The following ECE1 variants were observed in gnomAD, a reference collection of about 807,000 sequenced individuals.
The protein encoded by ECE1 is endothelin converting enzyme 1, also known as endothelin-converting enzyme 1.
Under a neutral mutation model 98.6 loss-of-function variants are expected in ECE1, and 35 were observed. That is an observed-to-expected ratio of 0.35 (90% CI 0.27 to 0.47). ECE1 has a LOEUF of 0.47. Among genes scored for constraint, ECE1 ranks in the 20% least tolerant of loss-of-function variants. ECE1 has a pLI of 1.00. For synonymous variants in ECE1, 394 were observed against 407.1 expected (o/e 0.97, Z 0.39); for missense variants, 814 against 1,025.3 (o/e 0.79, Z 2.81).
chr1:21,330,432 T>C (rs1462244160), intron 1 of ECE1, among the ~76,000 whole-genome samples: 1 of 151,934 alleles, frequency 6.6e-6, no homozygotes, highest in Non-Finnish European at 1.5e-5. Flanking sequence ...GGTTTTGTCA[T>C]GTTGCCCAGA....
In ECE1 at chr1:21,219,659, C is replaced by A; in HGVS notation, c.*296G>T. 2.1e-6 allele frequency: 1 copy of A among 471,994 alleles called. No homozygotes were observed. Among genetic ancestry groups the A allele is most frequent in the Non-Finnish European group, 3.9e-6 (1 of 257,722 alleles). 29.2% of individuals were successfully genotyped at this position (471,994 alleles called of 1,614,324 possible). On this transcript the variant is annotated 3_prime_UTR_variant, in exon 19 of 19. Transcript: ENST00000374893. This position sits in a 1 kb window ranked among gnomAD's most constrained non-coding sequence, Gnocchi z 4.5. ...GCATTTGACACAGTGGTATTTGTGG[C>A]GTATCTGGCGCTTGTCAGTGTGGGG...
chr1:21,260,296 T>C lies in ECE1; in HGVS notation c.590A>G (p.Lys197Arg), dbSNP rs2103293925. ...NETRIEELRA[K>R]PLMELIERLG... is the part of the protein sequence containing the mutation. The stretch of plus-strand genomic sequence containing the variant: ...CCTCTCAATCAACTCCATTAGAGGT[T>C]TGGCCCTGAGCTCCTCGATCCTGGT... Residue 197 changes from lysine to arginine, a missense_variant, in exon 5 of 19, where the codon AAA (lysine) becomes AGA (arginine). Physicochemically the swap from Lys to Arg is conservative, Grantham distance 26 (BLOSUM62 2). This residue lies in a region of ECE1 where 257 missense variants were observed against 278.9 expected (regional missense o/e 0.92). Transcript: ENST00000374893. This position sits in a 1 kb window ranked among gnomAD's most constrained non-coding sequence, Gnocchi z 4.3. 1 of 1,614,242 alleles carries C rather than the reference T, an allele frequency of 6.2e-7. No individual in the cohort carries two copies. Among genetic ancestry groups the C allele is most frequent in the Non-Finnish European group, 8.5e-7 (1 of 1,180,042 alleles).
At chr1:21,325,000 T>C (rs1461656651) in intron 1 of ECE1, among the ~76,000 whole-genome samples, 1 of 152,112 alleles carries the variant, frequency 6.6e-6, no homozygotes, top group Non-Finnish European at 1.5e-5. Context: ...TCAATGGAGG[T>C]ATCAGAGGTC....
At position 21,260,263 on chromosome 1, in the gene ECE1, G is replaced by A; in HGVS notation, c.615+8C>T. The A allele has an allele frequency of 6.2e-7, 1 of 1,614,234 alleles. No individual in the cohort carries two copies. The highest frequency in any genetic ancestry group is 8.5e-7 in the Non-Finnish European group (1 of 1,180,042). On this transcript the variant is annotated splice_region_variant and intron_variant, in intron 5 of 18. Coordinates refer to ENST00000374893, the MANE Select transcript of ECE1 (RefSeq NM_001397.3). The surrounding 1 kb of genome is among the most constrained non-coding windows in gnomAD (Gnocchi z 4.3). ...GGGGCTTGGGGAGGGAGAGCCCGAG[G>A]CACTCACCCTCTCAATCAACTCCAT...
chr1:21,260,167 G>T lies in ECE1; in HGVS notation c.615+104C>A. On this transcript the variant is annotated intron_variant, in intron 5 of 18. Coordinates refer to ENST00000374893, the MANE Select transcript of ECE1 (RefSeq NM_001397.3). This position sits in a 1 kb window ranked among gnomAD's most constrained non-coding sequence, Gnocchi z 4.3. Reference sequence around the variant, plus strand: ...GTCTTTCTCTTGGTGCTACCGGCTGGACGTATGAGGTGGGCCAGTGGTACC... The same window carrying T: ...GTCTTTCTCTTGGTGCTACCGGCTGTACGTATGAGGTGGGCCAGTGGTACC... 6.6e-7 allele frequency: 1 copy of T among 1,516,708 alleles called. No individual in the cohort carries two copies. Among genetic ancestry groups the T allele is most frequent in the Non-Finnish European group, 9.1e-7 (1 of 1,093,128 alleles). 94.0% of individuals were successfully genotyped at this position (1,516,708 alleles called of 1,614,324 possible).
intron 7 of ECE1, 48 bp from the exon 8 acceptor site, chr1:21,256,186 C>T: frequency 6.4e-7 from 1 of 1,562,248 alleles, no homozygotes; most frequent in Non-Finnish European, 8.7e-7. Context: ...CCCCACTATC[C>T]ACTGGACGAG....
chr1:21,320,164 C>G (rs973560495), intron 1 of ECE1, among the ~76,000 whole-genome samples: 2 of 152,244 alleles, frequency 1.3e-5, no homozygotes, highest in Admixed American at 1.3e-4. Flanking sequence ...AGATTCTCCC[C>G]ATGGATTCTG....
At position 21,317,398 on chromosome 1, in the gene ECE1, AACAG is replaced by A. The variant is rs772133803; in HGVS notation, c.4-27246_4-27243del. ...GCTGTTGGGAGGGTCTCCCAAAATG[AACAG>A]ACAGAGGGGAAGGCCAGCTCGCAGG... is the stretch of plus-strand genomic sequence containing the variant. On this transcript the variant is annotated intron_variant, in intron 1 of 18. Coordinates refer to the ECE1 transcript ENST00000415912. Among the ~76,000 whole-genome samples the A allele has an allele frequency of 2.0e-5, 3 of 152,204 alleles. No homozygotes were observed. The South Asian group carries it at 6.2e-4, about 31-fold the overall frequency.
At chr1:21,333,333 G>GT (rs1259042768) in intron 1 of ECE1, among the ~76,000 whole-genome samples, 12 of 150,702 alleles carry the variant, frequency 8.0e-5, no homozygotes, top group African/African-American at 2.4e-4. Flanking sequence ...CACCAGAGCC[G>GT]TGGGGGGGGC....
At chr1:21,278,739 A>G (rs2098250583) in intron 3 of ECE1, among the ~76,000 whole-genome samples, 1 of 152,166 alleles carries the variant, frequency 6.6e-6, no homozygotes, top group African/African-American at 2.4e-5. Context: ...TTTTATTGGA[A>G]CTAGAGATAG....
chr1:21,310,653 C>A (rs1281379821), intron 1 of ECE1, among the ~76,000 whole-genome samples: 3 of 152,044 alleles, frequency 2.0e-5, no homozygotes, highest in African/African-American at 7.2e-5. Flanking sequence ...CCCCAGCAGA[C>A]CCCACCCGAG....
intron 1 of ECE1, among the ~76,000 whole-genome samples, chr1:21,326,026 C>T (rs1002073860): frequency 2.6e-5 from 4 of 152,208 alleles, no homozygotes; most frequent in Admixed American, 1.3e-4. Context: ...CTTTCTTTGA[C>T]TTGTCCTAAA....
chr1:21,290,370 C>T lies in ECE1; in HGVS notation c.45G>A (p.Ala15=), dbSNP rs2098265407. ...WPPPVSALLS[A]LGMSTYKRAT... is the part of the protein sequence containing the mutation. ...CAGGCCGCGCCCGCCTCACCCCCAG[C>T]GCCGACAGCAGGGCGGACACCGGGG... Residue 15 remains alanine, a synonymous_variant, in exon 1 of 19, where the codon GCG becomes GCA. Coordinates refer to ENST00000374893, the MANE Select transcript of ECE1 (RefSeq NM_001397.3). This position sits in a 1 kb window ranked among gnomAD's most constrained non-coding sequence, Gnocchi z 7.3. The T allele has an allele frequency of 2.4e-6, 3 of 1,235,008 alleles. No individual in the cohort carries two copies. The highest frequency in any genetic ancestry group is 6.4e-5 in the East Asian group (2 of 31,250). The allele number at this position is 1,235,008 out of a possible 1,614,324, so 76.5% of individuals were successfully genotyped here. A position where few individuals can be genotyped will look rare whatever the true frequency, so the allele number is the denominator to read the frequency against.
At chr1:21,339,809 T>C (rs1391367200) in intron 1 of ECE1, among the ~76,000 whole-genome samples, 1 of 151,638 alleles carries the variant, frequency 6.6e-6, no homozygotes, top group African/African-American at 2.4e-5. Flanking sequence ...AGGGGCCCTG[T>C]TGGGAGGAGG....
Position 21,225,687 on chromosome 1 carries a change from TTTTC to T in ECE1, c.1850-251_1850-248del, listed in dbSNP as rs1477416335. Among the ~76,000 whole-genome samples the T allele has an allele frequency of 1.3e-4, 18 of 140,150 alleles. No homozygotes were observed. The highest frequency in any genetic ancestry group is 2.1e-4 in the Admixed American group (3 of 14,076). 91.9% of individuals were successfully genotyped at this position (140,150 alleles called of 152,430 possible). On this transcript the variant is annotated intron_variant, in intron 16 of 18. Coordinates refer to ENST00000374893, the MANE Select transcript of ECE1 (RefSeq NM_001397.3). This position sits in a 1 kb window ranked among gnomAD's most constrained non-coding sequence, Gnocchi z 5.3. ...CCGAGGCTCAGTGGGGCTTGCTTTG[TTTTC>T]TTTCTTTTTTTTTTTTTTTTGAGAC...
chr1:21,341,069 C>T (rs1226681070), intron 1 of ECE1, among the ~76,000 whole-genome samples: 1 of 150,318 alleles, frequency 6.7e-6, no homozygotes, highest in Non-Finnish European at 1.5e-5. Flanking sequence ...CAGTCCCACT[C>T]GCTCTTTAGG....
At chr1:21,263,315 G>A (rs1250920891) in intron 4 of ECE1, among the ~76,000 whole-genome samples, 2 of 152,072 alleles carry the variant, frequency 1.3e-5, no homozygotes, top group African/African-American at 4.8e-5. Context: ...AAGATGAGAG[G>A]GTGATGAGGC....
Position 21,319,781 on chromosome 1 carries a change from G to A in ECE1, c.3+25595C>T, listed in dbSNP as rs1638922582. Among the ~76,000 whole-genome samples, 1 of 152,066 alleles carries A rather than the reference G, an allele frequency of 6.6e-6. No individual in the cohort carries two copies. The highest frequency in any genetic ancestry group is 2.4e-5 in the African/African-American group (1 of 41,386). ...CCCCAGAGGGCCAACAAGCAGTCTG[G>A]GTGTTTACATTAGTTCAGCTGAGAC... On this transcript the variant is annotated intron_variant, in intron 1 of 18. Coordinates refer to the ECE1 transcript ENST00000415912. This position sits in a 1 kb window ranked among gnomAD's most constrained non-coding sequence, Gnocchi z 4.4.
At chr1:21,244,038 C>T (rs1051279116) in intron 10 of ECE1, among the ~76,000 whole-genome samples, 3 of 152,194 alleles carry the variant, frequency 2.0e-5, no homozygotes, top group Non-Finnish European at 4.4e-5. Flanking sequence ...TCTGCCAATC[C>T]TCATCTGGAT....
Sources: gnomAD v4.1 joint callset for allele counts (sites outside exome capture counted in the v4.1 genomes callset) on GRCh38, gnomAD v4.1.1 for gene constraint, gnomAD v4.1.1 regional missense constraint, Gnocchi (gnomAD v3.1) non-coding constraint, MANE v1.5 for transcripts, NCBI Gene and HGNC (gene_info 2026-07-23, HGNC 2026-07-21) for gene names.